Variants in BBS12 observed in about 807,000 individuals in gnomAD.
BBS12 encodes Bardet-Biedl syndrome 12, also known as chaperonin-containing T-complex member BBS12.
In BBS12, 5 loss-of-function variants were observed where a neutral mutation model predicts 5.6. The observed-to-expected ratio is 0.89, with a 90% CI of 0.46 to 1.86. BBS12 has a LOEUF of 1.86. BBS12 is among the 40% of genes most tolerant of loss of function. The probability of loss-of-function intolerance (pLI) is 0.01; values close to 1 mark genes in which losing one functional copy is unlikely to be tolerated. For synonymous variants in BBS12, 308 were observed against 306.8 expected, an observed-to-expected ratio of 1.00 and a Z score of -0.04; for missense variants, 748 against 830.4, an observed-to-expected ratio of 0.90 and a Z score of 1.22.
chr4:122,720,356 C>A, the BBS12 span, among the ~76,000 whole-genome samples: 1 of 152,078 alleles, frequency 6.6e-6, no homozygotes, highest in South Asian at 2.1e-4. Flanking sequence ...GATGCTGAGG[C>A]CCAAGAATGG....
chr4:122,738,225 C>CT (rs772232305), intron 1 of BBS12, among the ~76,000 whole-genome samples: 472 of 151,202 alleles, frequency 3.1e-3, no homozygotes, highest in Middle Eastern at 0.027. Context: ...ATTTCTTTTT[C>CT]TTTTTTTTTG....
At position 122,743,167 on chromosome 4, in the gene BBS12, A is replaced by G; in HGVS notation, c.1275A>G (p.Lys425=). 6.2e-7 allele frequency: 1 copy of G among 1,614,242 alleles called. No homozygotes were observed. The highest frequency in any genetic ancestry group is 8.5e-7 in the Non-Finnish European group (1 of 1,180,046). ...QGNVSERLIE[K]CINSKRLVIG... The stretch of plus-strand genomic sequence containing the variant: ...ATGTGTCCGAACGCTTAATTGAAAA[A>G]TGTATAAACAGTAAGCGGTTGGTAA... The change falls in exon 2 of 2, where the codon AAA becomes AAG. Residue 425 remains lysine (K), a synonymous_variant. Coordinates refer to ENST00000314218, the MANE Select transcript of BBS12 (RefSeq NM_152618.3).
chr4:122,702,293 A>G, the BBS12 span, among the ~76,000 whole-genome samples: 1 of 152,134 alleles, frequency 6.6e-6, no homozygotes, highest in Non-Finnish European at 1.5e-5. Flanking sequence ...CAGACTGGAG[A>G]CCAGCATTTT....
intron 1 of BBS12, among the ~76,000 whole-genome samples, chr4:122,739,577 G>T (rs994370724): frequency 3.9e-5 from 6 of 152,224 alleles, no homozygotes; most frequent in African/African-American, 1.4e-4. Context: ...TGAAGAGCAG[G>T]AATTCTCTCT....
chr4:122,739,558 C>A (rs1041168398), intron 1 of BBS12, among the ~76,000 whole-genome samples: 3 of 152,216 alleles, frequency 2.0e-5, no homozygotes, highest in Non-Finnish European at 4.4e-5. Context: ...AAGGCTTGGG[C>A]TTGAAAGTTG....
chr4:122,721,298 G>C, the BBS12 span, among the ~76,000 whole-genome samples: 8 of 152,292 alleles, frequency 5.3e-5, no homozygotes, highest in Admixed American at 6.5e-5. Context: ...ATTATACCTT[G>C]TAGGGATTTG....
At chr4:122,738,324 C>T (rs1378059077) in intron 1 of BBS12, among the ~76,000 whole-genome samples, 1 of 152,144 alleles carries the variant, frequency 6.6e-6, no homozygotes, top group African/African-American at 2.4e-5. Context: ...TGTTCTCCTG[C>T]CTCAGCCTCC....
the BBS12 span, among the ~76,000 whole-genome samples, chr4:122,727,544 A>ATCTTTTTTTTTTTT: frequency 1.2e-5 from 1 of 82,302 alleles, no homozygotes; most frequent in Non-Finnish European, 2.1e-5. Context: ...CCCCTGGCCA[A>ATCTTTTTTTTTTTT]TTTTTTTTTT....
intron 1 of BBS12, 87 bp from the exon 2 acceptor site, chr4:122,741,796 G>A: frequency 9.1e-7 from 1 of 1,100,414 alleles, no homozygotes; most frequent in Non-Finnish European, 1.3e-6. Context: ...CTCAAAAGCA[G>A]GGAGCATATC....
chr4:122,721,743 G>A, the BBS12 span, among the ~76,000 whole-genome samples: 4 of 152,226 alleles, frequency 2.6e-5, no homozygotes, highest in African/African-American at 9.6e-5. Context: ...AAGGCTGGGT[G>A]CCAGGCTAGA....
chr4:122,725,526 A>C, the BBS12 span, among the ~76,000 whole-genome samples: 1 of 152,158 alleles, frequency 6.6e-6, no homozygotes, highest in Admixed American at 6.5e-5. Flanking sequence ...GGACACCCTA[A>C]TCAACAAATG....
rs1800904637 is a variant in BBS12 at position 122,742,842 on chromosome 4, C to T, written c.950C>T (p.Thr317Ile). The change falls in exon 2 of 2, where the codon ACT (threonine) becomes ATT (isoleucine). Residue 317 changes from threonine to isoleucine, a missense_variant. Physicochemically the swap from Thr to Ile is moderately conservative, Grantham distance 89. Transcript: ENST00000314218. ...ATGTTTGACATTTCAAGAATTTTCA[C>T]TTGCTGTCTACCAGGCTTACCTGAA... is the stretch of plus-strand genomic sequence containing the variant. ...PFMFDISRIFTCCLPGLPETS... is the reference protein window; with the variant it reads ...PFMFDISRIFICCLPGLPETS... 6.2e-7 allele frequency: 1 copy of T among 1,614,216 alleles called. No individual in the cohort carries two copies. The highest frequency in any genetic ancestry group is 8.5e-7 in the Non-Finnish European group (1 of 1,180,036).
chr4:122,739,380 T>C (rs984112403), intron 1 of BBS12, among the ~76,000 whole-genome samples: 15 of 152,192 alleles, frequency 9.9e-5, no homozygotes, highest in African/African-American at 3.1e-4. Context: ...AGATATTTGC[T>C]CCTCCTTTTC....
At chr4:122,705,422 C>T in the BBS12 span, among the ~76,000 whole-genome samples, 2 of 152,144 alleles carry the variant, frequency 1.3e-5, no homozygotes, top group African/African-American at 4.8e-5. Flanking sequence ...GCCTTGGCAA[C>T]ACAGCAAAAC....
At chr4:122,706,758 A>G in the BBS12 span, among the ~76,000 whole-genome samples, 1 of 152,172 alleles carries the variant, frequency 6.6e-6, no homozygotes, top group Admixed American at 6.5e-5. Context: ...TCTTTCATGG[A>G]AAAGTAATGG....
chr4:122,709,642 A>G, the BBS12 span, among the ~76,000 whole-genome samples: 10 of 152,042 alleles, frequency 6.6e-5, no homozygotes, highest in South Asian at 2.1e-3. Flanking sequence ...TTGTGCATAT[A>G]TATATATTCT....
chr4:122,725,979 G>A, the BBS12 span, among the ~76,000 whole-genome samples: 3 of 149,870 alleles, frequency 2.0e-5, no homozygotes, highest in Admixed American at 6.7e-5. Context: ...TCTAAAAGAC[G>A]ACATCGGAAA....
In BBS12 at chr4:122,743,058, A is replaced by G. The variant is rs374270431; in HGVS notation, c.1166A>G (p.Glu389Gly). The G allele has an allele frequency of 6.2e-7, 1 of 1,614,140 alleles. No individual in the cohort carries two copies. The highest frequency in any genetic ancestry group is 1.3e-5 in the African/African-American group (1 of 74,940). The stretch of plus-strand genomic sequence containing the variant: ...GTATTAGATAGCATGCGGCTTCAAG[A>G]AGACAGCTCAGAAGAACTGTGGGCA... ...KTVLDSMRLQ[E>G]DSSEELWANH... Residue 389 changes from glutamate (E) to glycine (G), a missense_variant, in exon 2 of 2, where the codon GAA (glutamate) becomes GGA (glycine). Physicochemically the swap from Glu to Gly is moderately conservative, Grantham distance 98 (BLOSUM62 -2). Coordinates refer to ENST00000314218, the MANE Select transcript of BBS12 (RefSeq NM_152618.3).
chr4:122,743,453 A>C lies in BBS12; in HGVS notation c.1561A>C (p.Thr521Pro). The C allele has an allele frequency of 6.2e-7, 1 of 1,614,250 alleles. No individual in the cohort carries two copies. Among genetic ancestry groups the C allele is most frequent in the Non-Finnish European group, 8.5e-7 (1 of 1,180,036 alleles). The part of the protein sequence containing the change: ...QMQIKEDRFW[T>P]CAYRLYYALK... The stretch of plus-strand genomic sequence containing the variant: ...GCAAATCAAAGAAGATAGGTTCTGG[A>C]CATGTGCCTATCGTTTGTATTATGC... The change falls in exon 2 of 2, where the codon ACA becomes CCA. Residue 521 changes from threonine to proline, a missense_variant. Thr to Pro is a conservative substitution (Grantham distance 38, BLOSUM62 -1). Transcript: ENST00000314218.
Sources: allele counts gnomAD v4.1 joint callset (sites outside exome capture counted in the v4.1 genomes callset), GRCh38; gene constraint gnomAD v4.1.1; transcripts MANE v1.5; gene names NCBI Gene and HGNC (gene_info 2026-07-23, HGNC 2026-07-21).